The following NBAS variants were observed in gnomAD, a reference collection of about 807,000 sequenced individuals.
NBAS encodes the protein NBAS subunit of NRZ tethering complex, also known as NAG/BC035112 fusion.
Under a neutral mutation model 302.5 loss-of-function variants are expected in NBAS, and 219 were observed. That is an observed-to-expected ratio of 0.72 (90% CI 0.65 to 0.81). The LOEUF is 0.81. Ranked by LOEUF, NBAS falls within the 30% of genes least tolerant of loss-of-function variation. The pLI is 0.00. For synonymous variants in NBAS, 1,118 were observed against 1,021.6 expected (o/e 1.09, Z -1.80); for missense variants, 2,932 against 2,841.6 (o/e 1.03, Z -0.72).
intron 36 of NBAS, among the ~76,000 whole-genome samples, chr2:15,330,368 A>T (rs1380261994): frequency 1.3e-5 from 2 of 152,164 alleles, no homozygotes; most frequent in Non-Finnish European, 2.9e-5. Context: ...TGATATATAA[A>T]CCGAGCCTTA....
chr2:14,887,721 G>A, the NBAS span, among the ~76,000 whole-genome samples: 9 of 152,168 alleles, frequency 5.9e-5, no homozygotes, highest in African/African-American at 2.2e-4. Context: ...CTAGGCTACT[G>A]CACAGCCCCC....
At chr2:15,369,250 C>G (rs1674369499) in intron 31 of NBAS, among the ~76,000 whole-genome samples, 1 of 152,154 alleles carries the variant, frequency 6.6e-6, no homozygotes, top group African/African-American at 2.4e-5. Context: ...GAAGCTCTAG[C>G]TTTAGTAATT....
intron 7 of NBAS, 134 bp from the exon 8 acceptor site, chr2:15,536,685 A>G (rs781677703): frequency 1.1e-5 from 9 of 834,534 alleles, no homozygotes; most frequent in Non-Finnish European, 1.7e-5. Flanking sequence ...ATTGCTCTGT[A>G]TACTCAAGAA....
chr2:14,809,755 C>G, the NBAS span, among the ~76,000 whole-genome samples: 3 of 152,192 alleles, frequency 2.0e-5, no homozygotes, highest in African/African-American at 7.2e-5. Flanking sequence ...GACTCACCAA[C>G]AGTTTACACC....
At chr2:15,470,874 T>C (rs1449764633) in intron 16 of NBAS, among the ~76,000 whole-genome samples, 1 of 151,992 alleles carries the variant, frequency 6.6e-6, no homozygotes, top group East Asian at 1.9e-4. Context: ...GGCGGGAGAA[T>C]CACTTGAACC....
intron 47 of NBAS, among the ~76,000 whole-genome samples, chr2:15,231,549 G>A (rs894124651): frequency 4.6e-5 from 7 of 152,098 alleles, no homozygotes; most frequent in African/African-American, 9.7e-5. Flanking sequence ...ATATACAGCC[G>A]TTAGAAATAA....
At position 15,205,343 on chromosome 2, in the gene NBAS, G is replaced by A. The variant is rs550827207; in HGVS notation, c.6432+13430C>T. On this transcript the variant is annotated intron_variant, in intron 48 of 51. Transcript: ENST00000281513. ...GGAAGACAGGAAAGAAGAAAAGAAG[G>A]AAGAGAAGACAACAACACAAAAGAA... Among the ~76,000 whole-genome samples the A allele has an allele frequency of 4.6e-5, 7 of 152,036 alleles. No individual in the cohort carries two copies. In the South Asian group the frequency reaches 1.5e-3, roughly 32 times the overall value.
At chr2:14,945,912 C>T in the NBAS span, among the ~76,000 whole-genome samples, 82 of 152,270 alleles carry the variant, frequency 5.4e-4, no homozygotes, top group Non-Finnish European at 8.8e-4. Context: ...GAAACCCTGT[C>T]TCTACTAAAA....
At chr2:15,291,164 A>G (rs1670287640) in intron 41 of NBAS, among the ~76,000 whole-genome samples, 1 of 152,208 alleles carries the variant, frequency 6.6e-6, no homozygotes, top group African/African-American at 2.4e-5. Context: ...TGAGAATGCA[A>G]TGGGTTGTAG....
chr2:15,543,462 T>C (rs986001413), intron 6 of NBAS, among the ~76,000 whole-genome samples: 14 of 152,224 alleles, frequency 9.2e-5, no homozygotes, highest in African/African-American at 3.4e-4. Flanking sequence ...TTGTTTGTTA[T>C]ATCAGTCCGT....
the NBAS span, among the ~76,000 whole-genome samples, chr2:14,783,922 T>A: frequency 6.6e-6 from 1 of 151,316 alleles, no homozygotes; most frequent in Non-Finnish European, 1.5e-5. Context: ...GTTGAACTAG[T>A]TTACAGTCCC....
the NBAS span, among the ~76,000 whole-genome samples, chr2:14,958,226 G>T: frequency 6.6e-6 from 1 of 152,238 alleles, no homozygotes; most frequent in Non-Finnish European, 1.5e-5. Context: ...AGTGGGAGAA[G>T]CCCAGGTGAG....
In NBAS at chr2:15,226,450, T is replaced by C. The variant is rs566928053; in HGVS notation, c.6236+5972A>G. On this transcript the variant is annotated intron_variant, in intron 47 of 51. Transcript: ENST00000281513. ...TCTTAACACGAACTAGAAATTGATATTTTCTTCTTGAAATATGATGTTATA... is the reference window on the plus strand; with the variant it reads ...TCTTAACACGAACTAGAAATTGATACTTTCTTCTTGAAATATGATGTTATA... 1.4e-4 allele frequency among the ~76,000 whole-genome samples: 21 copies of C among 152,222 alleles called. 1 individual carries two copies. In the South Asian group the frequency reaches 4.4e-3, roughly 32 times the overall value.
intron 48 of NBAS, among the ~76,000 whole-genome samples, chr2:15,205,859 G>A (rs1399142281): frequency 6.6e-6 from 1 of 152,126 alleles, no homozygotes; most frequent in Non-Finnish European, 1.5e-5. Context: ...TCCGCCATGT[G>A]GAACTGTGAA....
intron 40 of NBAS, among the ~76,000 whole-genome samples, chr2:15,299,119 G>A (rs1572614502): frequency 6.6e-6 from 1 of 152,178 alleles, no homozygotes; most frequent in African/African-American, 2.4e-5. Flanking sequence ...GGAAGCTTAT[G>A]AAGAGCTCTC....
chr2:15,534,429 C>T (rs1422797167), intron 9 of NBAS, 114 bp downstream of exon 9: 4 of 814,396 alleles, frequency 4.9e-6, no homozygotes, highest in African/African-American at 3.3e-5. Flanking sequence ...AAGATAACTA[C>T]GCACAAGAGG....
At chr2:14,862,014 T>C in the NBAS span, among the ~76,000 whole-genome samples, 3 of 152,174 alleles carry the variant, frequency 2.0e-5, no homozygotes, top group Non-Finnish European at 4.4e-5. Flanking sequence ...CAGTGATAAA[T>C]GCCTAAGAAG....
chr2:15,520,951 T>C (rs764261534), intron 9 of NBAS, among the ~76,000 whole-genome samples: 2 of 152,246 alleles, frequency 1.3e-5, no homozygotes, highest in Non-Finnish European at 2.9e-5. Context: ...AACCATCTCA[T>C]GTTGTGATGA....
At chr2:15,032,668 G>T in the NBAS span, among the ~76,000 whole-genome samples, 3 of 152,216 alleles carry the variant, frequency 2.0e-5, no homozygotes, top group Non-Finnish European at 2.9e-5. Flanking sequence ...AACATGTTCA[G>T]AAGAGAGCAT....
Sources: gnomAD v4.1 joint callset for allele counts (sites outside exome capture counted in the v4.1 genomes callset) on GRCh38, gnomAD v4.1.1 for gene constraint, MANE v1.5 for transcripts, NCBI Gene and HGNC (gene_info 2026-07-23, HGNC 2026-07-21) for gene names.